The following TTC39C variants were observed in gnomAD, a reference collection of about 807,000 sequenced individuals.
TTC39C encodes tetratricopeptide repeat domain 39C, also known as tetratricopeptide repeat protein 39C.
A neutral mutation model predicts 76.3 loss-of-function variants in TTC39C; 33 were observed. The ratio of observed to expected loss-of-function variants is 0.43; its 90% CI spans 0.33 to 0.58. The LOEUF (loss-of-function observed/expected upper bound fraction) is 0.58, where lower values mean the gene tolerates loss of function less well. Among genes scored for constraint, TTC39C ranks in the 20% least tolerant of loss-of-function variants. TTC39C has a pLI of 0.04. For missense variants in TTC39C, 595 were observed against 701.4 expected (o/e 0.85, Z 1.71); for synonymous variants, 254 against 260.6 (o/e 0.97, Z 0.24).
rs2085054653 is a variant in TTC39C at position 24,126,641 on chromosome 18, T to C, written c.1420+1091T>C. On this transcript the variant is annotated intron_variant, in intron 10 of 13. Coordinates refer to ENST00000317571, the MANE Select transcript of TTC39C (RefSeq NM_001135993.2). ...GTGTTAAATTCTGCTATGTTCTTTT[T>C]AATTTTTTTTTTTTTTTTAGTTTTT... 2.0e-5 allele frequency among the ~76,000 whole-genome samples: 3 copies of C among 148,538 alleles called. No homozygotes were observed. In the South Asian group the frequency reaches 6.7e-4, roughly 33 times the overall value.
intron 1 of TTC39C, among the ~76,000 whole-genome samples, chr18:24,034,096 G>A (rs1329568349): frequency 6.6e-6 from 1 of 152,208 alleles, no homozygotes; most frequent in African/African-American, 2.4e-5. Context: ...ACATAAAGGA[G>A]GAAGGTTGTA....
At chr18:24,044,221 C>T (rs752513568) in intron 1 of TTC39C, among the ~76,000 whole-genome samples, 31 of 152,048 alleles carry the variant, frequency 2.0e-4, no homozygotes, top group Non-Finnish European at 3.8e-4. Context: ...GGATTTGAAT[C>T]GGGAGTCTGA....
Position 24,083,762 on chromosome 18 carries a change from C to T in TTC39C, c.984+681C>T, listed in dbSNP as rs201803685. Among the ~76,000 whole-genome samples, 6 of 14,674 alleles carry T rather than the reference C, an allele frequency of 4.1e-4. No homozygotes were observed. In the Non-Finnish European group the frequency reaches 6.2e-3, roughly 15 times the overall value. The allele number at this position is 14,674 out of a possible 152,430, so 9.6% of individuals were successfully genotyped here. On this transcript the variant is annotated intron_variant, in intron 6 of 13. Coordinates refer to ENST00000317571, the MANE Select transcript of TTC39C (RefSeq NM_001135993.2). The stretch of plus-strand genomic sequence containing the variant: ...GCGCTGGCCTTTGGAGTCTACTTCT[C>T]CTTTGCATATCTTTTTATCTGCTTG...
chr18:24,114,792 AATG>A, intron 7 of TTC39C, 145 bp downstream of exon 7: 1 of 585,904 alleles, frequency 1.7e-6, no homozygotes. Flanking sequence ...TAGCACATGC[AATG>A]ATACTTCTCT....
chr18:24,050,275 A>C (rs2083931589), intron 1 of TTC39C, among the ~76,000 whole-genome samples: 1 of 152,198 alleles, frequency 6.6e-6, no homozygotes, highest in South Asian at 2.1e-4. Flanking sequence ...AGAGAGGCTA[A>C]AAAGTGAAAT....
At chr18:24,126,320 C>T (rs1308870343) in intron 10 of TTC39C, among the ~76,000 whole-genome samples, 1 of 151,000 alleles carries the variant, frequency 6.6e-6, no homozygotes, top group Admixed American at 6.6e-5. Flanking sequence ...GAAAATTTTT[C>T]AGATTTTTCT....
chr18:24,083,346 A>C (rs1257546739), intron 6 of TTC39C, among the ~76,000 whole-genome samples: 4 of 152,196 alleles, frequency 2.6e-5, no homozygotes, highest in African/African-American at 9.7e-5. Context: ...CTTCCAGCCT[A>C]AGGCACGTGA....
intron 4 of TTC39C, among the ~76,000 whole-genome samples, chr18:24,076,385 T>G (rs1319327795): frequency 6.6e-6 from 1 of 152,208 alleles, no homozygotes; most frequent in East Asian, 1.9e-4. Flanking sequence ...TGAAAGGCTG[T>G]GCAGGGTGTA....
chr18:24,054,362 G>A (rs761105792), intron 1 of TTC39C, among the ~76,000 whole-genome samples: 2 of 152,176 alleles, frequency 1.3e-5, no homozygotes, highest in Non-Finnish European at 2.9e-5. Context: ...AGCCACAACC[G>A]AACCACAGGG....
rs1294806136 is a variant in TTC39C, at chr18:24,060,313, G to GTTT, written c.168-3807_168-3805dup. Among the ~76,000 whole-genome samples the GTTT allele has an allele frequency of 9.9e-3, 883 of 89,240 alleles. 7 individuals carry two copies. Among genetic ancestry groups the GTTT allele is most frequent in the East Asian group, 0.015 (44 of 2,844 alleles). The allele number at this position is 89,240 out of a possible 152,430, so 58.5% of individuals were successfully genotyped here. ...TATTGTGGTTTTGATTTGCGTTTCT[G>GTTT]TTTTTTTTTTTTTTTTTTTTTTGAG... is the stretch of plus-strand genomic sequence containing the variant. On this transcript the variant is annotated intron_variant, in intron 1 of 13. Transcript: ENST00000317571.
chr18:24,121,309 A>G (rs1163367377), intron 8 of TTC39C, among the ~76,000 whole-genome samples: 2 of 152,172 alleles, frequency 1.3e-5, no homozygotes, highest in East Asian at 3.9e-4. Flanking sequence ...GCGGTGGCTC[A>G]CCCCTGTAAT....
At chr18:24,061,630 G>A (rs117380254) in intron 1 of TTC39C, among the ~76,000 whole-genome samples, 9,336 of 150,688 alleles carry the variant, frequency 0.062, 371 homozygotes, top group Middle Eastern at 0.1. Flanking sequence ...TGGGCTGGGT[G>A]TGGTGGCTCA....
At chr18:24,130,733 C>A (rs866875458) in intron 12 of TTC39C, among the ~76,000 whole-genome samples, 10 of 151,982 alleles carry the variant, frequency 6.6e-5, no homozygotes, top group African/African-American at 2.2e-4. Flanking sequence ...GGTGGTATCA[C>A]CTACTACACA....
chr18:24,117,118 T>C (rs1467924118), intron 7 of TTC39C, among the ~76,000 whole-genome samples: 1 of 152,090 alleles, frequency 6.6e-6, no homozygotes, highest in Non-Finnish European at 1.5e-5. Context: ...TCCTTGCTAA[T>C]ACAAGGACAC....
chr18:24,053,373 T>A (rs1204707477), intron 1 of TTC39C, among the ~76,000 whole-genome samples: 4 of 152,226 alleles, frequency 2.6e-5, no homozygotes, highest in Non-Finnish European at 5.9e-5. Flanking sequence ...GCTGAAGACA[T>A]CACTGTTCTT....
At chr18:24,039,894 C>T (rs570739783) in intron 1 of TTC39C, among the ~76,000 whole-genome samples, 16 of 152,176 alleles carry the variant, frequency 1.1e-4, no homozygotes, top group Non-Finnish European at 1.8e-4. Context: ...TTCGGGGTCA[C>T]TAGTTAGATG....
intron 4 of TTC39C, among the ~76,000 whole-genome samples, chr18:24,075,541 A>G (rs2145749952): frequency 6.6e-6 from 1 of 152,030 alleles, no homozygotes; most frequent in South Asian, 2.1e-4. Flanking sequence ...AAAATCAGCC[A>G]GGCTTGGTGG....
intron 6 of TTC39C, among the ~76,000 whole-genome samples, chr18:24,100,967 C>T (rs971085151): frequency 1.1e-4 from 17 of 152,098 alleles, no homozygotes; most frequent in African/African-American, 3.9e-4. Context: ...TTTAGTTTTG[C>T]ACTGTGATTC....
At chr18:24,036,415 A>G (rs11082898) in intron 1 of TTC39C, among the ~76,000 whole-genome samples, 89,888 of 152,008 alleles carry the variant, frequency 0.59, 29,998 homozygotes, top group Non-Finnish European at 0.77. Context: ...TATAGTTTTC[A>G]GTGTATAAGT....
Sources: allele counts gnomAD v4.1 joint callset (sites outside exome capture counted in the v4.1 genomes callset), GRCh38; gene constraint gnomAD v4.1.1; transcripts MANE v1.5; gene names NCBI Gene and HGNC (gene_info 2026-07-23, HGNC 2026-07-21).